EYS: variants seen among roughly 807,000 people sequenced by gnomAD.
The protein encoded by EYS is protein eyes shut homolog.
EYS carries 250 observed loss-of-function variants against 282.1 expected under a neutral mutation model. That is an observed-to-expected ratio of 0.89 (90% confidence interval 0.80 to 0.98). The LOEUF is 0.98. EYS is among the 50% of genes least tolerant of loss of function. The probability of loss-of-function intolerance (pLI) is 0.00; values close to 1 mark genes in which losing one functional copy is unlikely to be tolerated. For missense variants in EYS, 4,016 were observed against 3,709.0 expected (o/e 1.08, Z -2.15); for synonymous variants, 1,355 against 1,282.9 (o/e 1.06, Z -1.20).
At chr6:64,131,329 T>C (rs1773971868) in intron 31 of EYS, among the ~76,000 whole-genome samples, 1 of 152,244 alleles carries the variant, frequency 6.6e-6, no homozygotes, top group Non-Finnish European at 1.5e-5. Flanking sequence ...TATTTAAAAG[T>C]CTTCCATATT....
intron 2 of EYS, among the ~76,000 whole-genome samples, chr6:65,517,975 G>T (rs1169822416): frequency 6.6e-6 from 1 of 151,812 alleles, no homozygotes; most frequent in Non-Finnish European, 1.5e-5. Context: ...AAAAGCTAAG[G>T]ATAATAAAAA....
chr6:64,419,009 A>G (rs1011969911), intron 28 of EYS, among the ~76,000 whole-genome samples: 8 of 152,104 alleles, frequency 5.3e-5, no homozygotes, highest in African/African-American at 1.9e-4. Flanking sequence ...CTGAACTGGA[A>G]AAATGCAAGA....
chr6:65,267,464 G>T (rs114794211), intron 12 of EYS, among the ~76,000 whole-genome samples: 1 of 151,964 alleles, frequency 6.6e-6, no homozygotes, highest in Non-Finnish European at 1.5e-5. Context: ...TTGCCTGCAG[G>T]AGTGTTACAC....
intron 41 of EYS, among the ~76,000 whole-genome samples, chr6:63,761,746 G>GTAGATA (rs1769648262): frequency 6.6e-6 from 1 of 151,942 alleles, no homozygotes; most frequent in Admixed American, 6.6e-5. Context: ...AGATAGTCCA[G>GTAGATA]TCTCAGGAAG....
At chr6:65,276,148 G>T (rs888065155) in intron 12 of EYS, among the ~76,000 whole-genome samples, 3 of 152,126 alleles carry the variant, frequency 2.0e-5, no homozygotes. Context: ...TGAAAGCTCA[G>T]TTATAGTGCC....
At chr6:64,536,422 A>G (rs1764520174) in intron 26 of EYS, among the ~76,000 whole-genome samples, 1 of 152,192 alleles carries the variant, frequency 6.6e-6, no homozygotes, top group Non-Finnish European at 1.5e-5. Context: ...CAACATTATG[A>G]CGACAATTAC....
intron 31 of EYS, among the ~76,000 whole-genome samples, chr6:64,164,672 T>A (rs1466000816): frequency 6.6e-6 from 1 of 152,128 alleles, no homozygotes; most frequent in Non-Finnish European, 1.5e-5. Flanking sequence ...CATTTATGAT[T>A]TCCCATTAGT....
intron 41 of EYS, among the ~76,000 whole-genome samples, chr6:63,734,494 G>C (rs997024719): frequency 1.3e-5 from 2 of 152,120 alleles, no homozygotes; most frequent in Non-Finnish European, 2.9e-5. Context: ...TGTGGGAACA[G>C]GGCACTCCCT....
At chr6:65,158,153 T>C (rs993395471) in intron 12 of EYS, among the ~76,000 whole-genome samples, 3 of 150,894 alleles carry the variant, frequency 2.0e-5, no homozygotes, top group African/African-American at 7.3e-5. Context: ...TAAGCAGTTG[T>C]CTACAACATA....
At chr6:63,891,740 T>A (rs1773414158) in intron 35 of EYS, among the ~76,000 whole-genome samples, 1 of 152,184 alleles carries the variant, frequency 6.6e-6, no homozygotes, top group African/African-American at 2.4e-5. Context: ...GCCAGGGGAA[T>A]CAGGCAAGAG....
chr6:65,043,290 T>C (rs1561937184), intron 13 of EYS, among the ~76,000 whole-genome samples: 1 of 151,548 alleles, frequency 6.6e-6, no homozygotes. Context: ...TAAGGGTGAA[T>C]TGTGATGCTT....
chr6:64,545,819 G>A (rs1322430208), intron 26 of EYS, among the ~76,000 whole-genome samples: 3 of 152,146 alleles, frequency 2.0e-5, no homozygotes, highest in East Asian at 1.9e-4. Flanking sequence ...TACAAGGGAC[G>A]TGAAGGACCT....
intron 30 of EYS, among the ~76,000 whole-genome samples, chr6:64,242,536 C>T (rs1342944984): frequency 1.3e-5 from 2 of 151,976 alleles, no homozygotes; most frequent in African/African-American, 4.8e-5. Flanking sequence ...CTCCTGTCAT[C>T]CTCTAATCCA....
At chr6:64,363,252 A>T (rs1456213622) in intron 29 of EYS, among the ~76,000 whole-genome samples, 1 of 151,968 alleles carries the variant, frequency 6.6e-6, no homozygotes, top group East Asian at 1.9e-4. Context: ...TTTGTAAGAT[A>T]TACATTTTTT....
chr6:63,828,753 T>C (rs1237133759), intron 36 of EYS, among the ~76,000 whole-genome samples: 1 of 152,152 alleles, frequency 6.6e-6, no homozygotes, highest in Admixed American at 6.5e-5. Context: ...AAAACCACAA[T>C]GTGATACCAC....
intron 2 of EYS, among the ~76,000 whole-genome samples, chr6:65,499,888 C>G (rs1582382620): frequency 6.6e-6 from 1 of 151,782 alleles, no homozygotes; most frequent in Non-Finnish European, 1.5e-5. Flanking sequence ...TGGGAGACAC[C>G]GGTCCTTCTT....
intron 29 of EYS, among the ~76,000 whole-genome samples, chr6:64,351,856 A>G (rs1311962024): frequency 6.6e-6 from 1 of 151,528 alleles, no homozygotes; most frequent in Non-Finnish European, 1.5e-5. Flanking sequence ...TGTATGTATA[A>G]TGCCATGCTT....
At position 64,333,512 on chromosome 6, in the gene EYS, G is replaced by A. The variant is rs907286771; in HGVS notation, c.6079-26430C>T. On this transcript the variant is annotated intron_variant, in intron 29 of 42. Transcript: ENST00000503581. ...TTTAATCAGCAACTATACACAGGAA[G>A]GGTTGCTCTGTTTGCCAGCCAAGAA... Among the ~76,000 whole-genome samples the A allele has an allele frequency of 7.2e-5, 11 of 152,204 alleles. 1 individual carries two copies. Among genetic ancestry groups the A allele is most frequent in the Admixed American group, 5.9e-4 (9 of 15,282 alleles).
At chr6:64,687,756 C>T (rs1004173113) in intron 22 of EYS, among the ~76,000 whole-genome samples, 2 of 152,176 alleles carry the variant, frequency 1.3e-5, no homozygotes, top group African/African-American at 4.8e-5. Context: ...GGGAGGATTC[C>T]CTTTTTTTCT....
Sources: gnomAD v4.1 joint callset for allele counts (sites outside exome capture counted in the v4.1 genomes callset) on GRCh38, gnomAD v4.1.1 for gene constraint, MANE v1.5 for transcripts, NCBI Gene and HGNC (gene_info 2026-07-23, HGNC 2026-07-21) for gene names.